RFX2: variants seen among roughly 807,000 people sequenced by gnomAD.
The protein encoded by RFX2 is DNA-binding protein RFX2.
In RFX2, 20 loss-of-function variants were observed where a neutral mutation model predicts 87.8. The ratio of observed to expected loss-of-function variants is 0.23; its 90% CI spans 0.16 to 0.33. The LOEUF (loss-of-function observed/expected upper bound fraction) is 0.33, where lower values mean the gene tolerates loss of function less well. Among genes scored for constraint, RFX2 ranks in the 10% least tolerant of loss-of-function variants. The pLI is 1.00. For missense variants in RFX2, 767 were observed against 1,012.3 expected, an observed-to-expected ratio of 0.76 and a Z score of 3.29; for synonymous variants, 397 against 431.3, an observed-to-expected ratio of 0.92 and a Z score of 0.98.
chr19:6,017,794 G>C lies in RFX2; in HGVS notation c.598-1523C>G, dbSNP rs1301718852. Among the ~76,000 whole-genome samples the C allele has an allele frequency of 2.0e-5, 3 of 152,018 alleles. No homozygotes were observed. The East Asian group carries it at 5.9e-4, about 30-fold the overall frequency. ...CTTGGCCTGGGAAGCCCTTGTCCCT[G>C]TGCCCCGCACACCCCACAAGACACA... On this transcript the variant is annotated intron_variant, in intron 6 of 17. Transcript: ENST00000303657. This position sits in a 1 kb window ranked among gnomAD's most constrained non-coding sequence, Gnocchi z 4.1.
chr19:6,110,333 G>T lies in RFX2; in HGVS notation c.-9+60C>A, dbSNP rs1372083618. On this transcript the variant is annotated intron_variant, in intron 1 of 17. Transcript: ENST00000303657. The surrounding 1 kb of genome is among the most constrained non-coding windows in gnomAD (Gnocchi z 4.3). ...GCCCGCCCCCCGGCCCCCGAACGGG[G>T]TCCCCGCCGCCCCCCACACTCCCCG... The T allele has an allele frequency of 6.6e-6, 1 of 151,500 alleles. No homozygotes were observed. Among genetic ancestry groups the T allele is most frequent in the Admixed American group, 6.6e-5 (1 of 15,220 alleles). 9.4% of individuals were successfully genotyped at this position (151,500 alleles called of 1,614,324 possible).
In RFX2 at chr19:6,056,318, T is replaced by G. The variant is rs10410809; in HGVS notation, c.-8-8814A>C. The stretch of plus-strand genomic sequence containing the variant: ...TGGTGGCTTCATAAGTTTCATTGCA[T>G]TGTGTATTTACTTTGTGGATGTTTG... On this transcript the variant is annotated intron_variant, in intron 1 of 17. Transcript: ENST00000303657. The surrounding 1 kb of genome is among the most constrained non-coding windows in gnomAD (Gnocchi z 4.6). Among the ~76,000 whole-genome samples the G allele has an allele frequency of 0.02, 3,022 of 152,334 alleles. 97 individuals carry two copies. The highest frequency in any genetic ancestry group is 0.068 in the African/African-American group (2,826 of 41,566).
rs6510869 is a variant in RFX2 at position 6,017,383 on chromosome 19, T to C, written c.598-1112A>G. On this transcript the variant is annotated intron_variant, in intron 6 of 17. Transcript: ENST00000303657. The surrounding 1 kb of genome is among the most constrained non-coding windows in gnomAD (Gnocchi z 4.1). Reference sequence around the variant, plus strand: ...ACTGGGCATGGACGCAAAGGTGGCCTGCCCACCAACTGATGCCCTCACCCA... The same window carrying C: ...ACTGGGCATGGACGCAAAGGTGGCCCGCCCACCAACTGATGCCCTCACCCA... Among the ~76,000 whole-genome samples, 11,622 of 152,292 alleles carry C rather than the reference T, an allele frequency of 0.076. 1,321 individuals carry two copies. The highest frequency in any genetic ancestry group is 0.25 in the African/African-American group (10,406 of 41,544).
Position 6,001,006 on chromosome 19 carries a change from G to A in RFX2, c.1859+809C>T, listed in dbSNP as rs991555999. Among the ~76,000 whole-genome samples the A allele has an allele frequency of 6.6e-6, 1 of 152,164 alleles. No homozygotes were observed. The highest frequency in any genetic ancestry group is 2.4e-5 in the African/African-American group (1 of 41,430). ...AGGAGGCATCTTGGTGCCTTTCCTG[G>A]GGACAATCCCTCTGGAAGCCTTGGC... On this transcript the variant is annotated intron_variant, in intron 15 of 17. Transcript: ENST00000303657. This position sits in a 1 kb window ranked among gnomAD's most constrained non-coding sequence, Gnocchi z 5.6.
chr19:6,037,913 G>C (rs2087045896), intron 5 of RFX2, among the ~76,000 whole-genome samples: 1 of 152,078 alleles, frequency 6.6e-6, no homozygotes, highest in Non-Finnish European at 1.5e-5. Context: ...AGAAAGGGTA[G>C]TCTTTTTAAC....
intron 1 of RFX2, among the ~76,000 whole-genome samples, chr19:6,075,953 AGAG>A (rs2087685705): frequency 6.6e-6 from 1 of 152,248 alleles, no homozygotes; most frequent in Non-Finnish European, 1.5e-5. Context: ...CATAGGGGAC[AGAG>A]GAGAGGAAGA....
At position 6,024,067 on chromosome 19, in the gene RFX2, A is replaced by G. The variant is rs909901546; in HGVS notation, c.597+2096T>C. Among the ~76,000 whole-genome samples, 2 of 152,168 alleles carry G rather than the reference A, an allele frequency of 1.3e-5. No homozygotes were observed. The highest frequency in any genetic ancestry group is 4.8e-5 in the African/African-American group (2 of 41,428). ...ACTGCTGGGATTACAGGCGTGAGCCACCGTGCCCAGCCCATTTTCCCATAG... is the reference window on the plus strand; with the variant it reads ...ACTGCTGGGATTACAGGCGTGAGCCGCCGTGCCCAGCCCATTTTCCCATAG... On this transcript the variant is annotated intron_variant, in intron 6 of 17. Transcript: ENST00000303657. This position sits in a 1 kb window ranked among gnomAD's most constrained non-coding sequence, Gnocchi z 5.0.
At chr19:6,078,706 G>A (rs2087731518) in intron 1 of RFX2, among the ~76,000 whole-genome samples, 1 of 152,238 alleles carries the variant, frequency 6.6e-6, no homozygotes, top group Admixed American at 6.5e-5. Flanking sequence ...GACGAAAAGA[G>A]AAATTTTCAT....
intron 1 of RFX2, among the ~76,000 whole-genome samples, chr19:6,102,791 T>G (rs967688289): frequency 2.0e-5 from 3 of 152,208 alleles, no homozygotes; most frequent in Admixed American, 6.5e-5. Flanking sequence ...CTTGCTTTTT[T>G]GTCTCTACTG....
chr19:6,047,042 C>T lies in RFX2; in HGVS notation c.90+365G>A, dbSNP rs1243194967. Among the ~76,000 whole-genome samples, 1 of 151,672 alleles carries T rather than the reference C, an allele frequency of 6.6e-6. No individual in the cohort carries two copies. Among genetic ancestry groups the T allele is most frequent in the Non-Finnish European group, 1.5e-5 (1 of 67,922 alleles). On this transcript the variant is annotated intron_variant, in intron 2 of 17. Transcript: ENST00000303657. The surrounding 1 kb of genome is among the most constrained non-coding windows in gnomAD (Gnocchi z 4.2). ...CAGTCTCCCAAAGTGCTGGGATTAC[C>T]TGTGTGAGCCACTGCACCCGGCCTT...
At chr19:6,000,311 GA>G (rs2086474602) in intron 15 of RFX2, among the ~76,000 whole-genome samples, 1 of 152,222 alleles carries the variant, frequency 6.6e-6, no homozygotes, top group South Asian at 2.1e-4. Context: ...ACGCTTGCCA[GA>G]TAGTAAATAT....
chr19:6,032,942 C>G (rs2086970153), intron 5 of RFX2, among the ~76,000 whole-genome samples: 1 of 152,226 alleles, frequency 6.6e-6, no homozygotes, highest in African/African-American at 2.4e-5. Context: ...GCATGTGCCA[C>G]CACAACCAGG....
Position 6,007,894 on chromosome 19 carries a change from C to T in RFX2, c.1135-92G>A, listed in dbSNP as rs952192168. On this transcript the variant is annotated intron_variant, in intron 10 of 17. Coordinates refer to ENST00000303657, the MANE Select transcript of RFX2 (RefSeq NM_000635.4). This position sits in a 1 kb window ranked among gnomAD's most constrained non-coding sequence, Gnocchi z 8.2. ...AAGTGAGCAGCCGTGATCCGGGCTA[C>T]AGCGGGGTGCCCTGGAATCCCAAGG... 1.1e-5 allele frequency: 11 copies of T among 978,190 alleles called. No homozygotes were observed. The African/African-American group carries it at 1.1e-4, about 10-fold the overall frequency. 60.6% of individuals were successfully genotyped at this position (978,190 alleles called of 1,614,324 possible). A position where few individuals can be genotyped will look rare whatever the true frequency, so the allele number is the denominator to read the frequency against.
At chr19:6,073,879 T>C (rs540866809) in intron 1 of RFX2, among the ~76,000 whole-genome samples, 56 of 152,336 alleles carry the variant, frequency 3.7e-4, no homozygotes, top group East Asian at 1.3e-3. Flanking sequence ...CAGCTCATAC[T>C]GATCAGGAAG....
intron 1 of RFX2, among the ~76,000 whole-genome samples, chr19:6,108,184 G>A (rs1043720026): frequency 3.3e-5 from 5 of 152,160 alleles, no homozygotes; most frequent in Admixed American, 1.3e-4. Flanking sequence ...GTTGCCTTCC[G>A]TACCACGCCT....
rs748489215 is a variant in RFX2, at chr19:6,008,029, C to T, written c.1134+77G>A. ...GGGGCTCCAGCTCCTCAGCGTCACCCGGGGACGCCTGGCCTGAGCGCTGGC... is the reference window on the plus strand; with the variant it reads ...GGGGCTCCAGCTCCTCAGCGTCACCTGGGGACGCCTGGCCTGAGCGCTGGC... On this transcript the variant is annotated intron_variant, in intron 10 of 17. Coordinates refer to ENST00000303657, the MANE Select transcript of RFX2 (RefSeq NM_000635.4). The T allele has an allele frequency of 1.4e-4, 156 of 1,116,340 alleles. 1 individual carries two copies. The highest frequency in any genetic ancestry group is 8.8e-5 in the Non-Finnish European group (66 of 751,954). 69.2% of individuals were successfully genotyped at this position (1,116,340 alleles called of 1,614,324 possible).
In RFX2 at chr19:6,040,292, T is replaced by G; in HGVS notation, c.261-51A>C. 2.0e-6 allele frequency: 3 copies of G among 1,474,740 alleles called. No homozygotes were observed. Among genetic ancestry groups the G allele is most frequent in the Non-Finnish European group, 2.7e-6 (3 of 1,105,902 alleles). The allele number at this position is 1,474,740 out of a possible 1,614,324, so 91.4% of individuals were successfully genotyped here. The stretch of plus-strand genomic sequence containing the variant: ...TGGGACGCTGTCCCATTTAAATGCC[T>G]TGTCTGAGTTCACAGATATCCAGCC... On this transcript the variant is annotated intron_variant, in intron 4 of 17. Coordinates refer to ENST00000303657, the MANE Select transcript of RFX2 (RefSeq NM_000635.4). This position sits in a 1 kb window ranked among gnomAD's most constrained non-coding sequence, Gnocchi z 6.1.
At position 6,004,153 on chromosome 19, in the gene RFX2, G is replaced by GC; in HGVS notation, c.1500+47dup. The GC allele has an allele frequency of 1.4e-6, 2 of 1,394,720 alleles. No homozygotes were observed. Among genetic ancestry groups the GC allele is most frequent in the Non-Finnish European group, 2.0e-6 (2 of 980,432 alleles). 86.4% of individuals were successfully genotyped at this position (1,394,720 alleles called of 1,614,324 possible). On this transcript the variant is annotated intron_variant, in intron 13 of 17. Transcript: ENST00000303657. The surrounding 1 kb of genome is among the most constrained non-coding windows in gnomAD (Gnocchi z 4.8). ...GGTCCTCATGCTGTCCTGGACTGGAGCCCCTCCCAGCCATCGTTGGGGAGC... is the reference window on the plus strand; with the variant it reads ...GGTCCTCATGCTGTCCTGGACTGGAGCCCCCTCCCAGCCATCGTTGGGGAGC...
chr19:6,055,587 C>T (rs896976192), intron 1 of RFX2, among the ~76,000 whole-genome samples: 18 of 152,138 alleles, frequency 1.2e-4, no homozygotes, highest in Admixed American at 3.9e-4. Flanking sequence ...CCATACCCGG[C>T]TAATTTTTGT....
Sources: gnomAD v4.1 joint callset for allele counts (sites outside exome capture counted in the v4.1 genomes callset) on GRCh38, gnomAD v4.1.1 for gene constraint, Gnocchi (gnomAD v3.1) non-coding constraint, MANE v1.5 for transcripts, NCBI Gene and HGNC (gene_info 2026-07-23, HGNC 2026-07-21) for gene names.